Variants in SIK3 observed in about 807,000 individuals in gnomAD.
SIK3 encodes the protein serine/threonine-protein kinase SIK3.
A neutral mutation model predicts 144.2 loss-of-function variants in SIK3; 28 were observed. The observed-to-expected ratio is 0.19, with a 90% CI of 0.14 to 0.27. The LOEUF (loss-of-function observed/expected upper bound fraction) is 0.27. Ranked by LOEUF, SIK3 falls within the 10% of genes least tolerant of loss-of-function variation. The probability of loss-of-function intolerance (pLI) is 1.00; values close to 1 mark genes in which losing one functional copy is unlikely to be tolerated. For synonymous variants in SIK3, 686 were observed against 676.3 expected, an observed-to-expected ratio of 1.01 and a Z score of -0.22; for missense variants, 1,319 against 1,776.0, an observed-to-expected ratio of 0.74 and a Z score of 4.62.
At chr11:116,966,168 C>A (rs1296688726) in intron 1 of SIK3, among the ~76,000 whole-genome samples, 1 of 152,138 alleles carries the variant, frequency 6.6e-6, no homozygotes, top group Non-Finnish European at 1.5e-5. Flanking sequence ...CCTGGTGGCT[C>A]ATGCTGTAAT....
chr11:116,987,021 A>C (rs1277570610), intron 1 of SIK3, among the ~76,000 whole-genome samples: 2 of 152,180 alleles, frequency 1.3e-5, no homozygotes, highest in African/African-American at 4.8e-5. Flanking sequence ...TTGCAAGATG[A>C]AAAGAGTCCT....
intron 4 of SIK3, among the ~76,000 whole-genome samples, chr11:116,920,494 A>G (rs1946903265): frequency 6.6e-6 from 1 of 152,170 alleles, no homozygotes; most frequent in Non-Finnish European, 1.5e-5. Context: ...TCTTTGTCAC[A>G]GCCCTATGAG....
chr11:116,912,322 T>C (rs1354103220), intron 4 of SIK3, among the ~76,000 whole-genome samples: 1 of 152,214 alleles, frequency 6.6e-6, no homozygotes, highest in Non-Finnish European at 1.5e-5. Flanking sequence ...TAAAAATAAG[T>C]ATATCATCAA....
intron 1 of SIK3, among the ~76,000 whole-genome samples, chr11:117,081,244 CTTTG>C (rs1292897499): frequency 6.6e-6 from 1 of 151,874 alleles, no homozygotes; most frequent in Non-Finnish European, 1.5e-5. Context: ...CTTTCACTTT[CTTTG>C]TTATACATTT....
chr11:116,996,398 G>A (rs1348069039), intron 1 of SIK3, among the ~76,000 whole-genome samples: 1 of 152,054 alleles, frequency 6.6e-6, no homozygotes, highest in African/African-American at 2.4e-5. Context: ...ATGTCAAGAG[G>A]GTGAAAATAA....
At chr11:116,864,322 T>C (rs1362216379) in intron 15 of SIK3, 2 of 152,330 alleles carry the variant, frequency 1.3e-5, no homozygotes, top group East Asian at 3.8e-4. Context: ...TGACAGAAAA[T>C]AGAAGGTGGC....
chr11:116,893,730 G>A (rs1005629594), intron 6 of SIK3: 9 of 152,542 alleles, frequency 5.9e-5, no homozygotes, highest in African/African-American at 2.2e-4. Context: ...CAAGGGTGAA[G>A]TGTTAATCAC....
chr11:116,976,541 G>A (rs939822042), intron 1 of SIK3, among the ~76,000 whole-genome samples: 2 of 152,292 alleles, frequency 1.3e-5, no homozygotes, highest in South Asian at 4.1e-4. Flanking sequence ...GACCATAAGT[G>A]TAAGGTTTTA....
At chr11:116,924,166 T>C (rs1379761021) in intron 4 of SIK3, among the ~76,000 whole-genome samples, 1 of 151,730 alleles carries the variant, frequency 6.6e-6, no homozygotes, top group Non-Finnish European at 1.5e-5. Context: ...TGGTGGCGCA[T>C]GCCTGTAATC....
At position 116,997,094 on chromosome 11, in the gene SIK3, T is replaced by C. The variant is rs1950695791; in HGVS notation, c.274-40030A>G. 1.3e-5 allele frequency among the ~76,000 whole-genome samples: 2 copies of C among 152,176 alleles called. 1 individual carries two copies. The highest frequency in any genetic ancestry group is 4.1e-4 in the South Asian group (2 of 4,836). ...TTTACATCTCTCTGATGTGAACAACTTGAGCAAACAAGATTCAGGGGAACC... is the reference window on the plus strand; with the variant it reads ...TTTACATCTCTCTGATGTGAACAACCTGAGCAAACAAGATTCAGGGGAACC... On this transcript the variant is annotated intron_variant, in intron 1 of 24. Coordinates refer to ENST00000445177, the MANE Select transcript of SIK3 (RefSeq NM_001366686.3).
At chr11:116,994,498 G>A (rs1218865671) in intron 1 of SIK3, among the ~76,000 whole-genome samples, 1 of 152,176 alleles carries the variant, frequency 6.6e-6, no homozygotes, top group Admixed American at 6.5e-5. Flanking sequence ...TTGTTACGGT[G>A]AGGATTATAA....
intron 6 of SIK3, among the ~76,000 whole-genome samples, chr11:116,894,221 G>A (rs74885676): frequency 6.6e-6 from 1 of 151,966 alleles, no homozygotes; most frequent in Non-Finnish European, 1.5e-5. Flanking sequence ...TCTAAATAGC[G>A]GTATGTTCCA....
chr11:117,010,022 T>C (rs145812175), intron 1 of SIK3, among the ~76,000 whole-genome samples: 1 of 152,254 alleles, frequency 6.6e-6, no homozygotes, highest in Admixed American at 6.5e-5. Flanking sequence ...TACCAGTTCA[T>C]CCCCAAAGAA....
chr11:116,848,042 C>T (rs1355296616), intron 22 of SIK3, among the ~76,000 whole-genome samples: 7 of 152,074 alleles, frequency 4.6e-5, no homozygotes, highest in East Asian at 3.9e-4. Flanking sequence ...GGGCTGGGCA[C>T]GGTGGCTCAT....
intron 1 of SIK3, among the ~76,000 whole-genome samples, chr11:117,013,967 C>CTTTTTTTTTTT (rs1951406146): frequency 1.8e-3 from 13 of 7,372 alleles, no homozygotes; most frequent in Non-Finnish European, 3.0e-3. Context: ...TTCTTTTTTT[C>CTTTTTTTTTTT]TTTTCTTTTT....
In SIK3 at chr11:116,857,986, T is replaced by A. The variant is rs370240592; in HGVS notation, c.3479A>T (p.Lys1160Met). Residue 1160 changes from lysine (K) to methionine (M), a missense_variant, in exon 21 of 25, where the codon AAG (lysine) becomes ATG (methionine). This residue lies in a region of SIK3 where 646 missense variants were observed against 763.7 expected (regional missense o/e 0.85). Transcript: ENST00000445177. ...ACCTTTGGTCAATGTACTTGAACTC[T>A]TACTGTCTTGGAAGCCATCCTTGGC... is the stretch of plus-strand genomic sequence containing the variant. Reference protein sequence around the residue: ...EGAKDGFQDSKSSSTLTKGCH... With the variant: ...EGAKDGFQDSMSSSTLTKGCH... 128 of 1,614,110 alleles carry A rather than the reference T, an allele frequency of 7.9e-5. No individual in the cohort carries two copies. Among genetic ancestry groups the A allele is most frequent in the Middle Eastern group, 1.6e-4 (1 of 6,084 alleles).
intron 1 of SIK3, among the ~76,000 whole-genome samples, chr11:117,077,652 T>C (rs58068870): frequency 0.025 from 3,736 of 152,254 alleles, 85 homozygotes; most frequent in South Asian, 0.11. Flanking sequence ...ATAAGCTGCT[T>C]ATTGCTGTGC....
intron 3 of SIK3, among the ~76,000 whole-genome samples, chr11:116,951,603 AT>A (rs1489700401): frequency 1.3e-5 from 2 of 152,154 alleles, no homozygotes; most frequent in Non-Finnish European, 2.9e-5. Context: ...CTTGAGGTAC[AT>A]TCACATGAAG....
At chr11:116,975,838 C>T (rs891793748) in intron 1 of SIK3, among the ~76,000 whole-genome samples, 1 of 152,190 alleles carries the variant, frequency 6.6e-6, no homozygotes, top group African/African-American at 2.4e-5. Context: ...ACCAGCAATG[C>T]CAGAAAGTTC....
Sources: allele counts gnomAD v4.1 joint callset (sites outside exome capture counted in the v4.1 genomes callset), GRCh38; gene constraint gnomAD v4.1.1; regional missense constraint gnomAD v4.1.1; transcripts MANE v1.5; gene names NCBI Gene and HGNC (gene_info 2026-07-23, HGNC 2026-07-21).